Variants in MYO1D observed in about 807,000 individuals in gnomAD.
MYO1D encodes the protein myosin ID, also known as unconventional myosin-Id.
MYO1D carries 83 observed loss-of-function variants against 122.0 expected under a neutral mutation model. That is an observed-to-expected ratio of 0.68 (90% CI 0.57 to 0.82). The LOEUF (loss-of-function observed/expected upper bound fraction) is 0.82, where lower values mean the gene tolerates loss of function less well. MYO1D is among the 40% of genes least tolerant of loss of function. The pLI, the probability that MYO1D is intolerant of heterozygous loss-of-function variation, is 0.00. For missense variants in MYO1D, 1,157 were observed against 1,269.5 expected (o/e 0.91, Z 1.35); for synonymous variants, 464 against 446.9 (o/e 1.04, Z -0.48).
intron 14 of MYO1D, among the ~76,000 whole-genome samples, 183 bp from the exon 15 acceptor site, chr17:32,721,372 A>G (rs930690434): frequency 7.9e-5 from 12 of 152,202 alleles, no homozygotes; most frequent in Non-Finnish European, 1.8e-4. Context: ...AGAAGTTCTC[A>G]TGCATTCAGC....
chr17:32,811,390 A>G (rs2090570519), intron 1 of MYO1D, among the ~76,000 whole-genome samples: 2 of 152,210 alleles, frequency 1.3e-5, no homozygotes, highest in South Asian at 4.1e-4. Context: ...TGTCCAGTCA[A>G]TGAGGATGCA....
chr17:32,533,367 C>A (rs1273231192), intron 21 of MYO1D, among the ~76,000 whole-genome samples: 3 of 152,174 alleles, frequency 2.0e-5, no homozygotes, highest in Non-Finnish European at 4.4e-5. Context: ...CAATCCATCA[C>A]CAAATCCTGA....
intron 16 of MYO1D, among the ~76,000 whole-genome samples, chr17:32,660,056 T>C (rs1206216951): frequency 6.6e-6 from 1 of 152,170 alleles, no homozygotes; most frequent in East Asian, 1.9e-4. Context: ...AAAACAAATT[T>C]GGTGCGATCT....
At chr17:32,875,641 C>T (rs2091221444) in intron 1 of MYO1D, among the ~76,000 whole-genome samples, 1 of 152,264 alleles carries the variant, frequency 6.6e-6, no homozygotes, top group East Asian at 1.9e-4. Flanking sequence ...TACATCCAAA[C>T]CTTGATCAGA....
At chr17:32,801,349 C>T (rs1419930604) in intron 1 of MYO1D, among the ~76,000 whole-genome samples, 4 of 152,158 alleles carry the variant, frequency 2.6e-5, no homozygotes, top group Admixed American at 1.3e-4. Flanking sequence ...GTTTGGCCGG[C>T]GTGGCCAGTA....
At chr17:32,814,236 C>G (rs533735097) in intron 1 of MYO1D, among the ~76,000 whole-genome samples, 16 of 152,048 alleles carry the variant, frequency 1.1e-4, no homozygotes, top group Non-Finnish European at 1.8e-4. Flanking sequence ...CCCAGCTACT[C>G]GGAAGGCTGA....
At chr17:32,630,586 T>A (rs931095874) in intron 20 of MYO1D, among the ~76,000 whole-genome samples, 4 of 152,130 alleles carry the variant, frequency 2.6e-5, no homozygotes, top group Non-Finnish European at 4.4e-5. Context: ...CTCCTTTTTT[T>A]TTTTGAAATG....
At chr17:32,587,260 C>CCAGCA (rs2087396562) in intron 21 of MYO1D, among the ~76,000 whole-genome samples, 1 of 152,178 alleles carries the variant, frequency 6.6e-6, no homozygotes, top group Non-Finnish European at 1.5e-5. Context: ...GCCTGTAATT[C>CCAGCA]CAGCACTTTG....
chr17:32,859,029 C>A (rs1041555213), intron 1 of MYO1D, among the ~76,000 whole-genome samples: 1 of 152,182 alleles, frequency 6.6e-6, no homozygotes, highest in East Asian at 1.9e-4. Flanking sequence ...CTCCACAAAG[C>A]CCTGATTTCT....
At chr17:32,725,517 TC>T (rs2089561781) in intron 14 of MYO1D, among the ~76,000 whole-genome samples, 1 of 148,370 alleles carries the variant, frequency 6.7e-6, no homozygotes, top group South Asian at 2.1e-4. Context: ...CGAGACTCCA[TC>T]TTAAAGAAAA....
At chr17:32,713,664 T>G (rs904986747) in intron 15 of MYO1D, among the ~76,000 whole-genome samples, 5 of 152,114 alleles carry the variant, frequency 3.3e-5, no homozygotes, top group African/African-American at 1.2e-4. Context: ...ACACAGAGTC[T>G]CGCTCTATCT....
At chr17:32,858,830 T>C (rs2091047841) in intron 1 of MYO1D, among the ~76,000 whole-genome samples, 1 of 152,366 alleles carries the variant, frequency 6.6e-6, no homozygotes, top group Middle Eastern at 3.4e-3. Flanking sequence ...GACTCATGGT[T>C]TCCGATTTCA....
In MYO1D at chr17:32,497,371, C is replaced by T. The variant is rs555149589; in HGVS notation, c.2865-2456G>A. 9.2e-5 allele frequency among the ~76,000 whole-genome samples: 14 copies of T among 152,260 alleles called. No homozygotes were observed. The South Asian group carries it at 1.9e-3, about 20-fold the overall frequency. Reference sequence around the variant, plus strand: ...CCCTGGGAGGCTGAGGCAGGAGGATCGCCTGAGCCCGGGAATTCAAGGCTG... The same window carrying T: ...CCCTGGGAGGCTGAGGCAGGAGGATTGCCTGAGCCCGGGAATTCAAGGCTG... On this transcript the variant is annotated intron_variant, in intron 21 of 21. Coordinates refer to ENST00000318217, the MANE Select transcript of MYO1D (RefSeq NM_015194.3).
intron 20 of MYO1D, among the ~76,000 whole-genome samples, chr17:32,627,115 C>T (rs1047997368): frequency 6.6e-6 from 1 of 152,148 alleles, no homozygotes; most frequent in Non-Finnish European, 1.5e-5. Context: ...AATAATACAG[C>T]TCCCAGGACT....
At chr17:32,820,968 A>C (rs1223362918) in intron 1 of MYO1D, among the ~76,000 whole-genome samples, 4 of 152,140 alleles carry the variant, frequency 2.6e-5, no homozygotes, top group Non-Finnish European at 5.9e-5. Context: ...AGATTATTTC[A>C]TCACTCAGGT....
At chr17:32,690,139 A>C (rs1377672764) in intron 16 of MYO1D, among the ~76,000 whole-genome samples, 1 of 151,484 alleles carries the variant, frequency 6.6e-6, no homozygotes, top group East Asian at 1.9e-4. Context: ...GAATGTATAA[A>C]GATCAAGTTG....
intron 16 of MYO1D, among the ~76,000 whole-genome samples, chr17:32,676,516 G>A (rs145985953): frequency 6.6e-6 from 1 of 152,148 alleles, no homozygotes; most frequent in Non-Finnish European, 1.5e-5. Context: ...AATGAAACAG[G>A]AGGAATTTTG....
chr17:32,609,130 C>T (rs534812889), intron 20 of MYO1D, among the ~76,000 whole-genome samples: 3 of 152,276 alleles, frequency 2.0e-5, no homozygotes, highest in African/African-American at 7.2e-5. Flanking sequence ...CACCCATGCA[C>T]GTAAATTATA....
At chr17:32,676,532 T>C (rs2088811922) in intron 16 of MYO1D, among the ~76,000 whole-genome samples, 1 of 152,118 alleles carries the variant, frequency 6.6e-6, no homozygotes, top group Admixed American at 6.5e-5. Flanking sequence ...TTTTGCTAGG[T>C]GTTTCAGAGA....
Sources: gnomAD v4.1 joint callset for allele counts (sites outside exome capture counted in the v4.1 genomes callset) on GRCh38, gnomAD v4.1.1 for gene constraint, MANE v1.5 for transcripts, NCBI Gene and HGNC (gene_info 2026-07-23, HGNC 2026-07-21) for gene names.